SLC25A13: variants seen among roughly 807,000 people sequenced by gnomAD.
SLC25A13 encodes the protein electrogenic aspartate/glutamate antiporter SLC25A13, mitochondrial.
In SLC25A13, 70 loss-of-function variants were observed where a neutral mutation model predicts 85.5. That is an observed-to-expected ratio of 0.82 (90% CI 0.68 to 1.00). SLC25A13 has a LOEUF of 1.00. Ranked by LOEUF, SLC25A13 falls within the 50% of genes least tolerant of loss-of-function variation. The probability of loss-of-function intolerance (pLI) is 0.00; values close to 1 mark genes in which losing one functional copy is unlikely to be tolerated. For synonymous variants in SLC25A13, 259 were observed against 288.7 expected, an observed-to-expected ratio of 0.90 and a Z score of 1.04; for missense variants, 765 against 819.8, an observed-to-expected ratio of 0.93 and a Z score of 0.82.
chr7:96,267,972 A>G (rs1798099384), intron 3 of SLC25A13, among the ~76,000 whole-genome samples: 1 of 152,122 alleles, frequency 6.6e-6, no homozygotes, highest in South Asian at 2.1e-4. Flanking sequence ...TTGCACATGG[A>G]GTGCAAAGAG....
intron 4 of SLC25A13, among the ~76,000 whole-genome samples, chr7:96,234,227 C>T (rs1796660881): frequency 6.6e-6 from 1 of 152,140 alleles, no homozygotes; most frequent in Non-Finnish European, 1.5e-5. Context: ...TAGCTAATTC[C>T]CATGATGATG....
chr7:96,122,234 T>C (rs1218959136), intron 15 of SLC25A13, among the ~76,000 whole-genome samples: 1 of 152,198 alleles, frequency 6.6e-6, no homozygotes, highest in Non-Finnish European at 1.5e-5. Flanking sequence ...AGCCTTCATT[T>C]CCTTTGTTTC....
chr7:96,297,561 T>C (rs1799392661), intron 1 of SLC25A13, among the ~76,000 whole-genome samples: 1 of 152,116 alleles, frequency 6.6e-6, no homozygotes, highest in African/African-American at 2.4e-5. Flanking sequence ...CTCAAACTCC[T>C]GACCTCAAGT....
chr7:96,231,707 G>A (rs531774212), intron 4 of SLC25A13, among the ~76,000 whole-genome samples: 3 of 151,406 alleles, frequency 2.0e-5, no homozygotes, highest in East Asian at 3.9e-4. Flanking sequence ...CTGGGTGACA[G>A]AGTGAGACTC....
At chr7:96,227,722 G>A (rs1796374119) in intron 4 of SLC25A13, among the ~76,000 whole-genome samples, 1 of 152,168 alleles carries the variant, frequency 6.6e-6, no homozygotes, top group Non-Finnish European at 1.5e-5. Context: ...AAGAGGGCCA[G>A]GGAAGAATCT....
intron 14 of SLC25A13, among the ~76,000 whole-genome samples, chr7:96,136,223 G>C (rs1792281362): frequency 6.6e-6 from 1 of 152,086 alleles, no homozygotes; most frequent in African/African-American, 2.4e-5. Flanking sequence ...TTTAAGGGTA[G>C]GCCTCACTTA....
At chr7:96,166,569 C>G (rs1793754853) in intron 13 of SLC25A13, among the ~76,000 whole-genome samples, 1 of 152,060 alleles carries the variant, frequency 6.6e-6, no homozygotes, top group Non-Finnish European at 1.5e-5. Context: ...CCAGGCTCCT[C>G]AAGATTTCAA....
intron 5 of SLC25A13, among the ~76,000 whole-genome samples, chr7:96,204,224 A>G (rs1047055647): frequency 6.6e-6 from 1 of 152,246 alleles, no homozygotes; most frequent in Non-Finnish European, 1.5e-5. Context: ...AATAATATTT[A>G]AAAGCACTTT....
intron 1 of SLC25A13, among the ~76,000 whole-genome samples, chr7:96,315,425 A>G (rs1446223724): frequency 6.6e-6 from 1 of 152,206 alleles, no homozygotes; most frequent in African/African-American, 2.4e-5. Flanking sequence ...CCAGTCCAGA[A>G]GACTTCAGTA....
At chr7:96,175,964 G>C (rs1388645001) in intron 11 of SLC25A13, among the ~76,000 whole-genome samples, 1 of 152,190 alleles carries the variant, frequency 6.6e-6, no homozygotes, top group African/African-American at 2.4e-5. Context: ...TACCTTGTCT[G>C]GTTAAACAGG....
rs891287563 is a variant in SLC25A13 at position 96,170,077 on chromosome 7, G to A, written c.1279C>T (p.Pro427Ser). 3 of 1,613,946 alleles carry A rather than the reference G, an allele frequency of 1.9e-6. No homozygotes were observed. In the African/African-American group the frequency reaches 4.0e-5, roughly 22 times the overall value. The change falls in exon 13 of 18, where the codon CCA (proline) becomes TCA (serine). Residue 427 changes from proline to serine, a missense_variant. Pro to Ser is a moderately conservative substitution (Grantham distance 74). Coordinates refer to ENST00000265631, the MANE Select transcript of SLC25A13 (RefSeq NM_014251.3). ...CCAGCAAGAATTTCTGCTGCAAGTG[G>A]GACCGAACCATCTTTGTGCATAAAT... The part of the protein sequence containing the change: ...DKFMHKDGSV[P>S]LAAEILAGGC...
At chr7:96,313,830 GA>G (rs1800035451) in intron 1 of SLC25A13, among the ~76,000 whole-genome samples, 1 of 152,134 alleles carries the variant, frequency 6.6e-6, no homozygotes, top group Non-Finnish European at 1.5e-5. Context: ...GTTAGATTCA[GA>G]AAAAGTGAAA....
chr7:96,188,082 A>C (rs754698927), intron 9 of SLC25A13, among the ~76,000 whole-genome samples: 23 of 152,162 alleles, frequency 1.5e-4, no homozygotes, highest in Non-Finnish European at 2.9e-4. Context: ...ATCTAAAAAA[A>C]ACTTCTCTGC....
intron 7 of SLC25A13, 32 bp from the exon 8 acceptor site, chr7:96,189,706 T>C: frequency 1.3e-6 from 2 of 1,582,000 alleles, no homozygotes; most frequent in Non-Finnish European, 1.7e-6. Context: ...AGGGAAAGAT[T>C]CAAGAAGAAA....
rs762752651 is a variant in SLC25A13, at chr7:96,193,169, C to T, written c.483G>A (p.Glu161=). 75 of 1,614,006 alleles carry T rather than the reference C, an allele frequency of 4.6e-5. No homozygotes were observed. The highest frequency in any genetic ancestry group is 1.6e-4 in the Middle Eastern group (1 of 6,062). Reference sequence around the variant, plus strand: ...GTTGCACAAAGGCTTGCTTTGCGTGCTCCAGTTGTATTTCCTACAAATAAA... The same window carrying T: ...GTTGCACAAAGGCTTGCTTTGCGTGTTCCAGTTGTATTTCCTACAAATAAA... The part of the protein sequence containing the change: ...FTQFLLEIQL[E]HAKQAFVQRD... The change falls in exon 6 of 18, where the codon GAG becomes GAA. Residue 161 remains glutamate, a synonymous_variant. Coordinates refer to ENST00000265631, the MANE Select transcript of SLC25A13 (RefSeq NM_014251.3).
chr7:96,169,105 A>AG (rs1342339730), intron 13 of SLC25A13, among the ~76,000 whole-genome samples: 1 of 152,196 alleles, frequency 6.6e-6, no homozygotes, highest in African/African-American at 2.4e-5. Context: ...ATCTCTAAAG[A>AG]ATACCAGGAG....
At chr7:96,213,496 C>G (rs907600793) in intron 4 of SLC25A13, among the ~76,000 whole-genome samples, 5 of 152,192 alleles carry the variant, frequency 3.3e-5, no homozygotes, top group African/African-American at 1.2e-4. Flanking sequence ...TGGGCAATTC[C>G]ATGAGCCTTA....
intron 3 of SLC25A13, among the ~76,000 whole-genome samples, chr7:96,270,283 C>T (rs748972318): frequency 6.6e-5 from 10 of 152,054 alleles, no homozygotes; most frequent in South Asian, 2.1e-4. Context: ...GGGCTGAGTG[C>T]GGTGGCTCAC....
At chr7:96,234,377 C>A (rs986076972) in intron 4 of SLC25A13, among the ~76,000 whole-genome samples, 1 of 152,114 alleles carries the variant, frequency 6.6e-6, no homozygotes, top group African/African-American at 2.4e-5. Context: ...CAGCTCTGGC[C>A]GCAAACTACT....
Sources: gnomAD v4.1 joint callset for allele counts (sites outside exome capture counted in the v4.1 genomes callset) on GRCh38, gnomAD v4.1.1 for gene constraint, MANE v1.5 for transcripts, NCBI Gene and HGNC (gene_info 2026-07-23, HGNC 2026-07-21) for gene names.